Variants in IL6 observed in about 807,000 individuals in gnomAD.
IL6 encodes interleukin-6.
A neutral mutation model predicts 18.0 loss-of-function variants in IL6; 5 were observed. That is an observed-to-expected ratio of 0.28 (90% CI 0.15 to 0.58). IL6 has a LOEUF of 0.58. IL6 is among the 20% of genes least tolerant of loss of function. IL6 has a pLI of 0.90. For synonymous variants in IL6, 97 were observed against 95.1 expected, an observed-to-expected ratio of 1.02 and a Z score of -0.12; for missense variants, 266 against 251.0, an observed-to-expected ratio of 1.06 and a Z score of -0.40.
intron 2 of IL6, 42 bp downstream of exon 2, chr7:22,727,676 T>A: frequency 6.6e-7 from 1 of 1,521,626 alleles, no homozygotes; most frequent in Non-Finnish European, 8.8e-7. Flanking sequence ...CCGGTGCGCA[T>A]GCGTTCCCCT....
intron 3 of IL6, 109 bp downstream of exon 3, chr7:22,728,915 A>G (rs902257465): frequency 2.9e-6 from 2 of 680,306 alleles, no homozygotes; most frequent in African/African-American, 1.8e-5. Context: ...AAGTGGGTAA[A>G]TGTAAAGAAT....
At chr7:22,730,037 G>A in intron 4 of IL6, 1 of 985,402 alleles carries the variant, frequency 1.0e-6, no homozygotes, top group South Asian at 4.7e-5. Flanking sequence ...TAAGATTTTA[G>A]TCATTGCCAA....
Position 22,731,583 on chromosome 7 carries a change from C to T in IL6, c.*10C>T. The T allele has an allele frequency of 1.3e-6, 2 of 1,574,496 alleles. No individual in the cohort carries two copies. The highest frequency in any genetic ancestry group is 1.7e-6 in the Non-Finnish European group (2 of 1,153,342). On this transcript the variant is annotated 3_prime_UTR_variant, in exon 5 of 5. Transcript: ENST00000258743. Reference sequence around the variant, plus strand: ...TCTTCGGCAAATGTAGCATGGGCACCTCAGATTGTTGTTGTTAATGGGCAT... The same window carrying T: ...TCTTCGGCAAATGTAGCATGGGCACTTCAGATTGTTGTTGTTAATGGGCAT...
Position 22,728,614 on chromosome 7 carries a change from G to A in IL6, c.211-79G>A, listed in dbSNP as rs574789483. 5.0e-5 allele frequency: 41 copies of A among 823,214 alleles called. No individual in the cohort carries two copies. In the African/African-American group the frequency reaches 6.3e-4, roughly 13 times the overall value. The allele number at this position is 823,214 out of a possible 1,614,324, so 51.0% of individuals were successfully genotyped here. Reference sequence around the variant, plus strand: ...TTTCTTAGAGACTTTCCTGGCTGTGGTTGAACAATGAAAAGGCCCTCTAGT... The same window carrying A: ...TTTCTTAGAGACTTTCCTGGCTGTGATTGAACAATGAAAAGGCCCTCTAGT... On this transcript the variant is annotated intron_variant, in intron 2 of 4. Transcript: ENST00000258743.
intron 2 of IL6, chr7:22,728,437 A>G: frequency 2.2e-6 from 1 of 461,892 alleles, no homozygotes; most frequent in Non-Finnish European, 3.9e-6. Context: ...CTTCAAAACA[A>G]ATTTGCAAGG....
chr7:22,728,930 T>C lies in IL6; in HGVS notation c.324+124T>C, dbSNP rs532102200. ...AAGTGGGTAAATGTAAAGAATGTTA[T>C]GTAAATTTCATGAGGAGGCCAACTT... On this transcript the variant is annotated intron_variant, in intron 3 of 4. Coordinates refer to ENST00000258743, the MANE Select transcript of IL6 (RefSeq NM_000600.5). The C allele has an allele frequency of 2.0e-5, 13 of 660,178 alleles. No homozygotes were observed. The East Asian group carries it at 3.0e-4, about 15-fold the overall frequency. 40.9% of individuals were successfully genotyped at this position (660,178 alleles called of 1,614,324 possible). A position where few individuals can be genotyped will look rare whatever the true frequency, so the allele number is the denominator to read the frequency against.
intron 2 of IL6, among the ~76,000 whole-genome samples, chr7:22,727,870 G>T (rs1784044518): frequency 6.6e-6 from 1 of 152,098 alleles, no homozygotes; most frequent in African/African-American, 2.4e-5. Flanking sequence ...CCCACCTTTG[G>T]CATGAGCTGA....
intron 1 of IL6, 64 bp downstream of exon 1, chr7:22,727,345 G>GGTGT (rs1235985650): frequency 1.9e-6 from 3 of 1,613,766 alleles, no homozygotes; most frequent in Non-Finnish European, 2.5e-6. Flanking sequence ...GTGAGGGAGG[G>GGTGT]GTGTGTGGCC....
chr7:22,727,683 C>T (rs759753202), intron 2 of IL6, 49 bp downstream of exon 2: 15 of 1,517,906 alleles, frequency 9.9e-6, no homozygotes, highest in Middle Eastern at 1.8e-4. Flanking sequence ...GCATGCGTTC[C>T]CCTTGCCCCT....
intron 2 of IL6, 186 bp from the exon 3 acceptor site, chr7:22,728,507 G>A: frequency 1.7e-6 from 1 of 575,726 alleles, no homozygotes; most frequent in Non-Finnish European, 3.1e-6. Context: ...TAAAGTCACA[G>A]GTGAGCTTGG....
At chr7:22,728,107 T>G (rs1226807745) in intron 2 of IL6, among the ~76,000 whole-genome samples, 1 of 152,092 alleles carries the variant, frequency 6.6e-6, no homozygotes, top group African/African-American at 2.4e-5. Flanking sequence ...AAGTGGCAAA[T>G]CATAAATAGG....
chr7:22,729,036 A>G (rs1322704783), intron 3 of IL6, among the ~76,000 whole-genome samples: 1 of 152,218 alleles, frequency 6.6e-6, no homozygotes, highest in Non-Finnish European at 1.5e-5. Flanking sequence ...AACAACTGTC[A>G]AATGTTTAAA....
chr7:22,728,289 C>G (rs1474348), intron 2 of IL6, among the ~76,000 whole-genome samples: 109,096 of 152,092 alleles, frequency 0.72, 41,369 homozygotes, highest in East Asian at 1. Context: ...TAAAATTGGG[C>G]GTGGACTAGG....
chr7:22,727,704 G>C, intron 2 of IL6, 70 bp downstream of exon 2: 1 of 1,489,360 alleles, frequency 6.7e-7, no homozygotes, highest in Non-Finnish European at 9.0e-7. Flanking sequence ...GCGTGTGGCC[G>C]GGGGCTGCCT....
chr7:22,728,659 C>G, intron 2 of IL6, 34 bp from the exon 3 acceptor site: 1 of 1,214,634 alleles, frequency 8.2e-7, no homozygotes, highest in Non-Finnish European at 1.2e-6. Flanking sequence ...TTTAGGGACA[C>G]TTAGGTGATA....
At position 22,729,592 on chromosome 7, in the gene IL6, A is replaced by T. The variant is rs890077533; in HGVS notation, c.403A>T (p.Ser135Cys). ...AGAGTACCTCCAGAACAGATTTGAG[A>T]GTAGTGAGGAACAAGCCAGAGCTGT... Reference protein sequence around the residue: ...YLEYLQNRFESSEEQARAVQM... With the variant: ...YLEYLQNRFECSEEQARAVQM... Residue 135 changes from serine to cysteine, a missense_variant, in exon 4 of 5, where the codon AGT becomes TGT. Ser to Cys is a moderately radical substitution (Grantham distance 112). Transcript: ENST00000258743. 1 of 1,614,130 alleles carries T rather than the reference A, an allele frequency of 6.2e-7. No individual in the cohort carries two copies. The highest frequency in any genetic ancestry group is 2.2e-5 in the East Asian group (1 of 44,868).
chr7:22,731,326 C>G lies in IL6; in HGVS notation c.472-80C>G, dbSNP rs981446407. The G allele has an allele frequency of 2.6e-6, 3 of 1,133,166 alleles. No homozygotes were observed. The African/African-American group carries it at 4.6e-5, about 18-fold the overall frequency. The allele number at this position is 1,133,166 out of a possible 1,614,324, so 70.2% of individuals were successfully genotyped here. A position where few individuals can be genotyped will look rare whatever the true frequency, so the allele number is the denominator to read the frequency against. The stretch of plus-strand genomic sequence containing the variant: ...CCCACATTTCACATTTGAACATCAT[C>G]CCATAGCCCAGAGCATCCCTCCACT... On this transcript the variant is annotated intron_variant, in intron 4 of 4. Transcript: ENST00000258743.
chr7:22,729,898 G>T, intron 4 of IL6: 2 of 1,399,212 alleles, frequency 1.4e-6, no homozygotes, highest in South Asian at 1.7e-5. Context: ...TAACTGAGGT[G>T]GATTTTAACA....
intron 4 of IL6, 162 bp downstream of exon 4, chr7:22,729,822 T>C (rs1396947349): frequency 6.6e-7 from 1 of 1,519,434 alleles, no homozygotes; most frequent in African/African-American, 1.4e-5. Context: ...AAATCTTTTT[T>C]TGTTTGTTTG....
Sources: allele counts gnomAD v4.1 joint callset (sites outside exome capture counted in the v4.1 genomes callset), GRCh38; gene constraint gnomAD v4.1.1; transcripts MANE v1.5; gene names NCBI Gene and HGNC (gene_info 2026-07-23, HGNC 2026-07-21).